The following KIAA0232 variants were observed in gnomAD, a reference collection of about 807,000 sequenced individuals.
KIAA0232 encodes KIAA0232, also known as uncharacterized protein KIAA0232.
In KIAA0232, 27 loss-of-function variants were observed where a neutral mutation model predicts 122.0. That is an observed-to-expected ratio of 0.22 (90% CI 0.16 to 0.31). The LOEUF is 0.31. Ranked by LOEUF, KIAA0232 falls within the 10% of genes least tolerant of loss-of-function variation. The pLI is 1.00. For missense variants in KIAA0232, 1,551 were observed against 1,634.2 expected (o/e 0.95, Z 0.88); for synonymous variants, 613 against 587.6 (o/e 1.04, Z -0.63).
At position 6,882,470 on chromosome 4, in the gene KIAA0232, A is replaced by G. The variant is rs1722124252; in HGVS notation, c.*1504A>G. The G allele has an allele frequency of 6.6e-6, 1 of 152,044 alleles. No homozygotes were observed. The highest frequency in any genetic ancestry group is 1.5e-5 in the Non-Finnish European group (1 of 67,994). 9.4% of individuals were successfully genotyped at this position (152,044 alleles called of 1,614,324 possible). A position where few individuals can be genotyped will look rare whatever the true frequency, so the allele number is the denominator to read the frequency against. ...GGTTTTGTTGCCTTTTTCTTAATTG[A>G]TAACACAGAAAAGAAAGTACCATCA... On this transcript the variant is annotated 3_prime_UTR_variant, in exon 10 of 10. Transcript: ENST00000307659.
At chr4:6,857,853 A>G (rs1720643165) in intron 5 of KIAA0232, among the ~76,000 whole-genome samples, 1 of 152,156 alleles carries the variant, frequency 6.6e-6, no homozygotes, top group East Asian at 1.9e-4. Context: ...CTTTATGGTC[A>G]TTTTGCTGCC....
chr4:6,801,275 G>T (rs1271220891), intron 1 of KIAA0232, among the ~76,000 whole-genome samples: 1 of 152,218 alleles, frequency 6.6e-6, no homozygotes, highest in African/African-American at 2.4e-5. Flanking sequence ...TAATTAAAAT[G>T]TAAATAGCCA....
At chr4:6,852,400 A>G (rs995659461) in intron 4 of KIAA0232, among the ~76,000 whole-genome samples, 2 of 152,188 alleles carry the variant, frequency 1.3e-5, no homozygotes, top group South Asian at 2.1e-4. Context: ...TAAATTTTAA[A>G]AAGGTTTTTA....
At chr4:6,817,514 C>T (rs553029117) in intron 2 of KIAA0232, among the ~76,000 whole-genome samples, 49 of 152,196 alleles carry the variant, frequency 3.2e-4, no homozygotes, top group Non-Finnish European at 6.2e-4. Context: ...TGTGCCTAGC[C>T]TCCCCTATTG....
At chr4:6,833,104 G>A (rs2109078722) in intron 3 of KIAA0232, among the ~76,000 whole-genome samples, 1 of 152,262 alleles carries the variant, frequency 6.6e-6, no homozygotes, top group East Asian at 1.9e-4. Context: ...TTCTTGAAAA[G>A]CTAGCATCTG....
At chr4:6,866,015 C>T (rs746862851) in intron 7 of KIAA0232, among the ~76,000 whole-genome samples, 4 of 152,170 alleles carry the variant, frequency 2.6e-5, no homozygotes, top group Admixed American at 6.5e-5. Context: ...CCCCAGGCGA[C>T]TTGAGAGGCA....
At position 6,862,650 on chromosome 4, in the gene KIAA0232, A is replaced by G; in HGVS notation, c.2268A>G (p.Glu756=). Residue 756 remains glutamate, a synonymous_variant, in exon 7 of 10, where the codon GAA becomes GAG. Coordinates refer to ENST00000307659, the MANE Select transcript of KIAA0232 (RefSeq NM_014743.3). The part of the protein sequence containing the change: ...VPRVSSNYVD[E]ELLDFLQDET... ...GAGTCTCGTCAAATTATGTAGATGA[A>G]GAACTTCTAGATTTTTTGCAAGATG... 1 of 1,612,818 alleles carries G rather than the reference A, an allele frequency of 6.2e-7. No homozygotes were observed. Among genetic ancestry groups the G allele is most frequent in the East Asian group, 2.2e-5 (1 of 44,872 alleles).
At chr4:6,853,179 G>A (rs1403634132) in intron 4 of KIAA0232, among the ~76,000 whole-genome samples, 11 of 152,180 alleles carry the variant, frequency 7.2e-5, no homozygotes, top group Non-Finnish European at 1.5e-4. Context: ...AAGTGTGGAA[G>A]ATTTCTTAAC....
chr4:6,811,904 TTTG>T (rs1031314571), intron 2 of KIAA0232, among the ~76,000 whole-genome samples: 1 of 152,154 alleles, frequency 6.6e-6, no homozygotes, highest in African/African-American at 2.4e-5. Context: ...CTCTCTTTGT[TTTG>T]TTAATAGGCT....
intron 2 of KIAA0232, among the ~76,000 whole-genome samples, chr4:6,806,024 G>T (rs1717599528): frequency 6.6e-6 from 1 of 152,072 alleles, no homozygotes; most frequent in Non-Finnish European, 1.5e-5. Flanking sequence ...GGAAGGAGGA[G>T]GATTTGCTTC....
chr4:6,816,375 C>T lies in KIAA0232; in HGVS notation c.-269-7810C>T, dbSNP rs750037374. 9.2e-5 allele frequency among the ~76,000 whole-genome samples: 14 copies of T among 151,892 alleles called. No individual in the cohort carries two copies. The East Asian group carries it at 9.7e-4, about 10-fold the overall frequency. The stretch of plus-strand genomic sequence containing the variant: ...TCGGCTCACTGCAAGCTCTACCTCC[C>T]GGGTTCACGCCATTCTCCTGCCTCA... On this transcript the variant is annotated intron_variant, in intron 2 of 9. Transcript: ENST00000307659.
At chr4:6,799,799 A>G (rs955291298) in intron 1 of KIAA0232, among the ~76,000 whole-genome samples, 12 of 151,882 alleles carry the variant, frequency 7.9e-5, no homozygotes, top group Non-Finnish European at 1.5e-4. Context: ...GGTTCAAGCG[A>G]TTCTCCTGCC....
At chr4:6,831,202 C>T (rs192460558) in intron 3 of KIAA0232, among the ~76,000 whole-genome samples, 335 of 152,088 alleles carry the variant, frequency 2.2e-3, no homozygotes, top group African/African-American at 7.5e-3. Flanking sequence ...ATTACAGGTG[C>T]GCGCCACCAC....
At chr4:6,801,832 C>T (rs1410076586) in intron 1 of KIAA0232, among the ~76,000 whole-genome samples, 7 of 152,076 alleles carry the variant, frequency 4.6e-5, no homozygotes, top group Admixed American at 3.9e-4. Context: ...ACAGGGCCTG[C>T]GAGGATGATC....
intron 4 of KIAA0232, among the ~76,000 whole-genome samples, chr4:6,845,296 G>A (rs184527519): frequency 2.6e-5 from 4 of 152,320 alleles, no homozygotes; most frequent in East Asian, 1.9e-4. Context: ...TGTGAGTGAC[G>A]TGCCCAGAGA....
chr4:6,787,026 C>T (rs1716653766), intron 1 of KIAA0232, among the ~76,000 whole-genome samples: 2 of 151,910 alleles, frequency 1.3e-5, no homozygotes, highest in Admixed American at 1.3e-4. Flanking sequence ...ACTAAAAATA[C>T]AAAAATTATC....
At chr4:6,786,326 G>A (rs186913006) in intron 1 of KIAA0232, among the ~76,000 whole-genome samples, 24 of 152,294 alleles carry the variant, frequency 1.6e-4, no homozygotes, top group Admixed American at 1.4e-3. Context: ...TTTTGAGACA[G>A]CATCTTGCTT....
chr4:6,883,261 T>C lies in KIAA0232; in HGVS notation c.*2295T>C, dbSNP rs921440864. 2.0e-5 allele frequency: 3 copies of C among 152,682 alleles called. No individual in the cohort carries two copies. Among genetic ancestry groups the C allele is most frequent in the African/African-American group, 7.2e-5 (3 of 41,472 alleles). 9.5% of individuals were successfully genotyped at this position (152,682 alleles called of 1,614,324 possible). ...ACCAGTTTCCATTCCTGGGCTGAGA[T>C]TGTTTTTCCCGTGGTTGTATTGTTC... On this transcript the variant is annotated 3_prime_UTR_variant, in exon 10 of 10. Transcript: ENST00000307659.
chr4:6,806,519 G>T lies in KIAA0232; in HGVS notation c.-270+1913G>T, dbSNP rs770840938. ...GGAGGCCGAGGCGGGTGGATCACAAGGTCAGGAAATCGAGACCGTCCTTGC... is the reference window on the plus strand; with the variant it reads ...GGAGGCCGAGGCGGGTGGATCACAATGTCAGGAAATCGAGACCGTCCTTGC... On this transcript the variant is annotated intron_variant, in intron 2 of 9. Transcript: ENST00000307659. Among the ~76,000 whole-genome samples, 71 of 152,020 alleles carry T rather than the reference G, an allele frequency of 4.7e-4. 1 individual carries two copies. Among genetic ancestry groups the T allele is most frequent in the Admixed American group, 2.0e-4 (3 of 15,248 alleles).
Sources: allele counts gnomAD v4.1 joint callset (sites outside exome capture counted in the v4.1 genomes callset), GRCh38; gene constraint gnomAD v4.1.1; transcripts MANE v1.5; gene names NCBI Gene and HGNC (gene_info 2026-07-23, HGNC 2026-07-21).